The following BPIFB3 variants were observed in gnomAD, a reference collection of about 807,000 sequenced individuals.
The protein encoded by BPIFB3 is BPI fold-containing family B member 3.
BPIFB3 carries 49 observed loss-of-function variants against 53.1 expected under a neutral mutation model. That is an observed-to-expected ratio of 0.92 (90% confidence interval 0.73 to 1.17). The LOEUF (loss-of-function observed/expected upper bound fraction) is 1.17. Ranked by LOEUF, BPIFB3 falls within the 50% of genes most tolerant of loss-of-function variation. BPIFB3 has a pLI of 0.00. For missense variants in BPIFB3, 628 were observed against 592.5 expected, an observed-to-expected ratio of 1.06 and a Z score of -0.62; for synonymous variants, 271 against 269.6, an observed-to-expected ratio of 1.01 and a Z score of -0.05.
chr20:33,060,075 T>G (rs917207028), intron 4 of BPIFB3, 44 bp downstream of exon 5: 6 of 1,601,110 alleles, frequency 3.7e-6, no homozygotes, highest in Non-Finnish European at 4.3e-6. Flanking sequence ...CCGCTCAGGA[T>G]CATCTCGCAC....
exon 11 of BPIFB3, chr20:33,069,927 A>G: frequency 1.2e-6 from 2 of 1,614,116 alleles, no homozygotes; most frequent in Non-Finnish European, 1.7e-6. Flanking sequence ...CTCGGCTACC[A>G]AGCTGCACAT....
chr20:33,065,743 C>G (rs983533531), intron 8 of BPIFB3, among the ~76,000 whole-genome samples: 1 of 152,170 alleles, frequency 6.6e-6, no homozygotes, highest in African/African-American at 2.4e-5. Flanking sequence ...AGCCCAGACC[C>G]CAGAAGCCCC....
chr20:33,056,584 T>C (rs1980214641), exon 2 of BPIFB3: 1 of 1,613,834 alleles, frequency 6.2e-7, no homozygotes, highest in South Asian at 1.1e-5. Flanking sequence ...CTGCAGAATG[T>C]GCTGGGATCG....
chr20:33,054,956 G>C (rs927516308), upstream of BPIFB3, among the ~76,000 whole-genome samples: 6 of 152,200 alleles, frequency 3.9e-5, no homozygotes, highest in Non-Finnish European at 8.8e-5. Context: ...TGAGCCAGTG[G>C]GAAGCAGCTG....
intron 8 of BPIFB3, 115 bp from the exon 10 acceptor site, chr20:33,066,709 T>C (rs547649609): frequency 2.2e-6 from 2 of 915,172 alleles, no homozygotes; most frequent in South Asian, 1.4e-5. Context: ...TAGTGATATA[T>C]GTATGAAATT....
intron 3 of BPIFB3, 51 bp from the exon 5 acceptor site, chr20:33,059,840 C>G: frequency 6.3e-7 from 1 of 1,596,214 alleles, no homozygotes; most frequent in Non-Finnish European, 8.5e-7. Context: ...TGGGCGGGGC[C>G]AAGGGTGGGA....
At chr20:33,056,362 C>T (rs1287089066) in intron 1 of BPIFB3, among the ~76,000 whole-genome samples, 180 bp from the exon 3 acceptor site, 1 of 152,182 alleles carries the variant, frequency 6.6e-6, no homozygotes, top group Non-Finnish European at 1.5e-5. Context: ...GGCCACAGGC[C>T]CTGCGGTGGG....
chr20:33,059,621 A>G (rs1388874822), intron 3 of BPIFB3, 139 bp downstream of exon 4: 1 of 712,082 alleles, frequency 1.4e-6, no homozygotes, highest in Non-Finnish European at 2.3e-6. Context: ...TCCCCAAGGG[A>G]CTCCCAATCC....
chr20:33,056,694 T>C, exon 2 of BPIFB3: 1 of 1,590,472 alleles, frequency 6.3e-7, no homozygotes, highest in Non-Finnish European at 8.6e-7. Flanking sequence ...CGAGGAGCTC[T>C]CTGGGTGAGT....
chr20:33,061,304 C>T (rs1280797827), intron 4 of BPIFB3, among the ~76,000 whole-genome samples: 1 of 152,150 alleles, frequency 6.6e-6, no homozygotes, highest in Non-Finnish European at 1.5e-5. Flanking sequence ...CCAAACAGAC[C>T]TGAGCCTGTC....
At position 33,058,620 on chromosome 20, in the gene BPIFB3, G is replaced by A. The variant is rs187345305; in HGVS notation, c.282-758G>A. Among the ~76,000 whole-genome samples, 48 of 152,072 alleles carry A rather than the reference G, an allele frequency of 3.2e-4. 1 individual carries two copies. The East Asian group carries it at 6.8e-3, about 21-fold the overall frequency. ...TTACTCTCCCTCCCCTGTGAAATCC[G>A]CTTTCTTGGTGAGGCTGGAGTCTCA... On this transcript the variant is annotated intron_variant, in intron 2 of 14. Transcript: ENST00000375494.
At chr20:33,072,455 G>C (rs1159131025) in intron 13 of BPIFB3, among the ~76,000 whole-genome samples, 1 of 152,194 alleles carries the variant, frequency 6.6e-6, no homozygotes, top group Admixed American at 6.5e-5. Context: ...TTAGAATATA[G>C]ATGACCCAGA....
intron 3 of BPIFB3, among the ~76,000 whole-genome samples, 188 bp downstream of exon 4, chr20:33,059,670 C>T (rs1277235182): frequency 1.3e-5 from 2 of 152,160 alleles, no homozygotes; most frequent in African/African-American, 2.4e-5. Flanking sequence ...TTGCCCTTCC[C>T]CAGGGACTTC....
intron 9 of BPIFB3, among the ~76,000 whole-genome samples, 198 bp from the exon 11 acceptor site, chr20:33,068,605 T>C (rs183392660): frequency 6.6e-6 from 1 of 152,214 alleles, no homozygotes; most frequent in Admixed American, 6.5e-5. Context: ...GAAGTCTGAT[T>C]TGGCAGTCCT....
chr20:33,054,678 T>C (rs904137462), upstream of BPIFB3, among the ~76,000 whole-genome samples: 8 of 152,140 alleles, frequency 5.3e-5, no homozygotes, highest in African/African-American at 1.9e-4. Flanking sequence ...AGCCTGGGTT[T>C]CAACCCAGGG....
At position 33,056,531 on chromosome 20, in the gene BPIFB3, T is replaced by C. The variant is rs1315223930; in HGVS notation, c.125-11T>C. 46 of 1,613,448 alleles carry C rather than the reference T, an allele frequency of 2.9e-5. No individual in the cohort carries two copies. The highest frequency in any genetic ancestry group is 3.6e-5 in the Non-Finnish European group (43 of 1,179,926). On this transcript the variant is annotated splice_polypyrimidine_tract_variant and intron_variant, in intron 1 of 14. Coordinates refer to ENST00000375494, the Ensembl canonical transcript of BPIFB3. ...GTTTCTAGTACCTTCCTACTTCCAC[T>C]CTCTCTGCAGCCATCCAGAACTCAC...
At chr20:33,070,764 G>C (rs970021529) in intron 11 of BPIFB3, among the ~76,000 whole-genome samples, 2 of 151,842 alleles carry the variant, frequency 1.3e-5, no homozygotes, top group South Asian at 2.1e-4. Flanking sequence ...TTGATGGAGG[G>C]CCTCGCCTGC....
At chr20:33,060,988 A>T (rs1980432240) in intron 4 of BPIFB3, among the ~76,000 whole-genome samples, 1 of 152,060 alleles carries the variant, frequency 6.6e-6, no homozygotes, top group Non-Finnish European at 1.5e-5. Flanking sequence ...CTCTGCCAGC[A>T]CTCTGAGCCA....
intron 2 of BPIFB3, among the ~76,000 whole-genome samples, chr20:33,058,251 G>A (rs1980301206): frequency 6.6e-6 from 1 of 152,184 alleles, no homozygotes; most frequent in Non-Finnish European, 1.5e-5. Flanking sequence ...AGGGCTGATG[G>A]GTGTTCACTT....
Sources: allele counts gnomAD v4.1 joint callset (sites outside exome capture counted in the v4.1 genomes callset), GRCh38; gene constraint gnomAD v4.1.1; transcripts MANE v1.5; gene names NCBI Gene and HGNC (gene_info 2026-07-23, HGNC 2026-07-21).